PIP4K2B: variants seen among roughly 807,000 people sequenced by gnomAD.
PIP4K2B encodes the protein phosphatidylinositol-5-phosphate 4-kinase type 2 beta.
In PIP4K2B, 3 loss-of-function variants were observed where a neutral mutation model predicts 42.0. The ratio of observed to expected loss-of-function variants is 0.07; its 90% CI spans 0.03 to 0.18. PIP4K2B has a LOEUF of 0.18. Ranked by LOEUF, PIP4K2B falls within the 10% of genes least tolerant of loss-of-function variation. The probability of loss-of-function intolerance (pLI) is 1.00; values close to 1 mark genes in which losing one functional copy is unlikely to be tolerated. For missense variants in PIP4K2B, 332 were observed against 562.3 expected, an observed-to-expected ratio of 0.59 and a Z score of 4.14; for synonymous variants, 204 against 210.1, an observed-to-expected ratio of 0.97 and a Z score of 0.25.
chr17:38,791,035 C>T (rs971167588), intron 1 of PIP4K2B, among the ~76,000 whole-genome samples: 2 of 151,864 alleles, frequency 1.3e-5, no homozygotes, highest in Admixed American at 6.6e-5. Context: ...GTTGTACATG[C>T]AAAAGAAACA....
chr17:38,791,964 C>T (rs1223004086), intron 1 of PIP4K2B, among the ~76,000 whole-genome samples: 3 of 151,656 alleles, frequency 2.0e-5, no homozygotes, highest in South Asian at 2.1e-4. Context: ...AGCATGATGG[C>T]GGGCACCTGT....
chr17:38,798,966 C>T (rs1910801517), intron 1 of PIP4K2B, among the ~76,000 whole-genome samples: 1 of 152,168 alleles, frequency 6.6e-6, no homozygotes, highest in Non-Finnish European at 1.5e-5. Flanking sequence ...CTCCACTGCA[C>T]TGAGGCCTTG....
chr17:38,793,852 AGAGCGC>A (rs1314359265), intron 1 of PIP4K2B, among the ~76,000 whole-genome samples: 1 of 151,826 alleles, frequency 6.6e-6, no homozygotes. Context: ...AGCCTGTGCA[AGAGCGC>A]GAGACCCTGC....
At chr17:38,783,889 C>T (rs890222640) in intron 3 of PIP4K2B, among the ~76,000 whole-genome samples, 2 of 152,214 alleles carry the variant, frequency 1.3e-5, no homozygotes, top group African/African-American at 4.8e-5. Flanking sequence ...GCATAAGCCA[C>T]CATGCCCCAC....
At chr17:38,773,450 T>C (rs902517410) in intron 7 of PIP4K2B, among the ~76,000 whole-genome samples, 1 of 152,084 alleles carries the variant, frequency 6.6e-6, no homozygotes, top group Non-Finnish European at 1.5e-5. Flanking sequence ...ATGGGTGCTG[T>C]GAGCAGGGTG....
rs1446932753 is a variant in PIP4K2B at position 38,767,025 on chromosome 17, C to T, written c.*2666G>A. 6.6e-6 allele frequency: 1 copy of T among 152,270 alleles called. No homozygotes were observed. Among genetic ancestry groups the T allele is most frequent in the Non-Finnish European group, 1.5e-5 (1 of 68,064 alleles). The allele number at this position is 152,270 out of a possible 1,614,324, so 9.4% of individuals were successfully genotyped here. A position where few individuals can be genotyped will look rare whatever the true frequency, so the allele number is the denominator to read the frequency against. ...CCTATCCTGGCCTCGCCTAATCAGC[C>T]ATGTCGTTATTCTTACACCTTTCTT... On this transcript the variant is annotated 3_prime_UTR_variant, in exon 10 of 10. Transcript: ENST00000619039.
Position 38,770,478 on chromosome 17 carries a change from T to A in PIP4K2B, c.1128A>T (p.Thr376=). 6.2e-7 allele frequency: 1 copy of A among 1,611,008 alleles called. No individual in the cohort carries two copies. Among genetic ancestry groups the A allele is most frequent in the Middle Eastern group, 1.7e-4 (1 of 5,980 alleles). Residue 376 remains threonine (T), a synonymous_variant, in exon 9 of 10, where the codon ACA becomes ACT. Transcript: ENST00000619039. ...AIIDILTPYD[T]KKKAAHAAKT... ...TGGCAGCATGTGCAGCTTTCTTCTT[T>A]GTATCGTATGGCGTGAGGATATCAA...
intron 1 of PIP4K2B, among the ~76,000 whole-genome samples, chr17:38,794,127 T>C (rs1186446574): frequency 1.3e-5 from 2 of 152,174 alleles, no homozygotes; most frequent in Non-Finnish European, 2.9e-5. Context: ...GGTATACATA[T>C]ACAACAGAAT....
Position 38,769,743 on chromosome 17 carries a change from G to A in PIP4K2B, c.1199C>T (p.Pro400Leu). The A allele has an allele frequency of 6.2e-7, 1 of 1,613,396 alleles. No individual in the cohort carries two copies. The highest frequency in any genetic ancestry group is 8.5e-7 in the Non-Finnish European group (1 of 1,179,290). The change falls in exon 10 of 10, where the codon CCT (proline) becomes CTT (leucine). Residue 400 changes from proline to leucine, a missense_variant. Physicochemically the swap from Pro to Leu is moderately conservative, Grantham distance 98. Around this residue, in one of 6 missense-constraint regions of PIP4K2B, gnomAD observed 26 missense variants for 76.4 expected, o/e 0.34. Coordinates refer to ENST00000619039, the MANE Select transcript of PIP4K2B (RefSeq NM_003559.5). The stretch of plus-strand genomic sequence containing the variant: ...GTTGAAGCGTTTGGAGTACTGCTCA[G>A]GGTTCACAGTCGAGATCTCGGCCCC... ...GAGAEISTVNPEQYSKRFNEF... is the reference protein window; with the variant it reads ...GAGAEISTVNLEQYSKRFNEF...
At position 38,765,869 on chromosome 17, in the gene PIP4K2B, C is replaced by T. The variant is rs778886145; in HGVS notation, c.*3822G>A. ...TGCAGTGGGATATGGAGAAGTCACA[C>T]ACTTGGTGGGGTGGTGGTTTGTCCT... On this transcript the variant is annotated 3_prime_UTR_variant, in exon 10 of 10. Transcript: ENST00000619039. 6.6e-6 allele frequency: 1 copy of T among 152,662 alleles called. No individual in the cohort carries two copies. The highest frequency in any genetic ancestry group is 1.5e-5 in the Non-Finnish European group (1 of 68,050). The allele number at this position is 152,662 out of a possible 1,614,324, so 9.5% of individuals were successfully genotyped here.
At chr17:38,783,528 CCTTGAAG>C (rs1248783352) in intron 3 of PIP4K2B, among the ~76,000 whole-genome samples, 1 of 152,160 alleles carries the variant, frequency 6.6e-6, no homozygotes, top group Non-Finnish European at 1.5e-5. Context: ...GTTACACTAC[CCTTGAAG>C]TCTTCCTTTT....
chr17:38,796,674 C>G (rs1033429935), intron 1 of PIP4K2B, among the ~76,000 whole-genome samples: 9 of 152,172 alleles, frequency 5.9e-5, no homozygotes, highest in African/African-American at 2.2e-4. Flanking sequence ...TCTTTTTCCA[C>G]CTAGAAGTAA....
At chr17:38,777,575 C>G (rs1356033898) in intron 7 of PIP4K2B, 112 bp downstream of exon 7, 2 of 756,984 alleles carry the variant, frequency 2.6e-6, no homozygotes, top group East Asian at 4.9e-5. Context: ...AATCACCACC[C>G]TTTTGTCCAT....
chr17:38,787,795 A>C (rs1336852384), intron 1 of PIP4K2B, among the ~76,000 whole-genome samples: 3 of 152,026 alleles, frequency 2.0e-5, no homozygotes, highest in Non-Finnish European at 4.4e-5. Flanking sequence ...ACAGGGTTTC[A>C]TCATGTTGGT....
chr17:38,794,956 C>A (rs923525127), intron 1 of PIP4K2B, among the ~76,000 whole-genome samples: 2 of 151,692 alleles, frequency 1.3e-5, no homozygotes, highest in Non-Finnish European at 2.9e-5. Context: ...AAAAATTAGC[C>A]TGGTGTGGTG....
At chr17:38,775,585 T>G (rs1487509976) in intron 7 of PIP4K2B, among the ~76,000 whole-genome samples, 2 of 151,898 alleles carry the variant, frequency 1.3e-5, no homozygotes, top group Non-Finnish European at 2.9e-5. Flanking sequence ...TGGCCAGGTG[T>G]GGTGGCTCAC....
rs1908881003 is a variant in PIP4K2B at position 38,769,359 on chromosome 17, C to G, written c.*332G>C. 4 of 284,300 alleles carry G rather than the reference C, an allele frequency of 1.4e-5. No homozygotes were observed. Among genetic ancestry groups the G allele is most frequent in the African/African-American group, 2.2e-5 (1 of 46,264 alleles). 17.6% of individuals were successfully genotyped at this position (284,300 alleles called of 1,614,324 possible). ...TTCAGAAACAAAACCCAAATAAACCCACGAAGTCATCTCTAGCCCCAAGGT... is the reference window on the plus strand; with the variant it reads ...TTCAGAAACAAAACCCAAATAAACCGACGAAGTCATCTCTAGCCCCAAGGT... On this transcript the variant is annotated 3_prime_UTR_variant, in exon 10 of 10. Coordinates refer to ENST00000619039, the MANE Select transcript of PIP4K2B (RefSeq NM_003559.5).
At chr17:38,794,092 C>T (rs1322253909) in intron 1 of PIP4K2B, among the ~76,000 whole-genome samples, 2 of 152,062 alleles carry the variant, frequency 1.3e-5, no homozygotes, top group African/African-American at 2.4e-5. Flanking sequence ...AAAACAAATC[C>T]ATCAACAGAT....
chr17:38,789,046 G>A (rs1910198933), intron 1 of PIP4K2B, among the ~76,000 whole-genome samples: 1 of 152,160 alleles, frequency 6.6e-6, no homozygotes, highest in South Asian at 2.1e-4. Context: ...TTGAGGCCAG[G>A]AGTTTGAGGT....
Sources: gnomAD v4.1 joint callset for allele counts (sites outside exome capture counted in the v4.1 genomes callset) on GRCh38, gnomAD v4.1.1 for gene constraint, gnomAD v4.1.1 regional missense constraint, MANE v1.5 for transcripts, NCBI Gene and HGNC (gene_info 2026-07-23, HGNC 2026-07-21) for gene names.